DCPH1: variants seen among roughly 807,000 people sequenced by gnomAD.
DCPH1 encodes damage-control phosphatase 1.
chr6:151,465,363 G>C, the DCPH1 span, among the ~76,000 whole-genome samples: 1 of 152,270 alleles, frequency 6.6e-6, no homozygotes, highest in East Asian at 1.9e-4. Flanking sequence ...GTGCTATGAA[G>C]AGAAATAAAG....
the DCPH1 span, among the ~76,000 whole-genome samples, chr6:151,458,110 A>G: frequency 6.6e-6 from 1 of 152,116 alleles, no homozygotes; most frequent in South Asian, 2.1e-4. Context: ...AGATACAGAA[A>G]GGCCAGAACT....
the DCPH1 span, among the ~76,000 whole-genome samples, chr6:151,466,841 T>A: frequency 6.6e-6 from 1 of 152,222 alleles, no homozygotes; most frequent in Non-Finnish European, 1.5e-5. Flanking sequence ...AAGGCCATCG[T>A]GGACACCATT....
the DCPH1 span, among the ~76,000 whole-genome samples, chr6:151,461,850 A>G: frequency 6.3e-3 from 956 of 152,330 alleles, 10 homozygotes; most frequent in African/African-American, 0.021. Flanking sequence ...TTTAAGTTCA[A>G]GAAACTAGAA....
the DCPH1 span, among the ~76,000 whole-genome samples, chr6:151,463,189 G>A: frequency 6.6e-6 from 1 of 152,172 alleles, no homozygotes; most frequent in South Asian, 2.1e-4. Context: ...CTGTGCATCC[G>A]AATGATTTTT....
chr6:151,452,529 C>A, the DCPH1 span: 2 of 1,611,196 alleles, frequency 1.2e-6, no homozygotes, highest in Non-Finnish European at 1.7e-6. Context: ...GCTTTGCGGC[C>A]GGGATCGCGG....
chr6:151,466,667 G>A, the DCPH1 span, among the ~76,000 whole-genome samples: 1 of 152,214 alleles, frequency 6.6e-6, no homozygotes, highest in African/African-American at 2.4e-5. Context: ...TGCTGGGCAC[G>A]TAGTGGTAAA....
chr6:151,462,934 T>C, the DCPH1 span, among the ~76,000 whole-genome samples: 2 of 152,182 alleles, frequency 1.3e-5, no homozygotes, highest in Non-Finnish European at 2.9e-5. Flanking sequence ...CTTTTAGGCA[T>C]AGGGGCCATG....
At chr6:151,457,124 G>A in the DCPH1 span, among the ~76,000 whole-genome samples, 4 of 152,108 alleles carry the variant, frequency 2.6e-5, no homozygotes, top group South Asian at 8.3e-4. Context: ...CTATAGCAGG[G>A]CCAGGCTTAT....
the DCPH1 span, among the ~76,000 whole-genome samples, chr6:151,460,508 G>A: frequency 2.0e-5 from 3 of 151,982 alleles, no homozygotes; most frequent in African/African-American, 7.2e-5. Flanking sequence ...GGTGCAGGCC[G>A]GGTGCGGTGG....
At chr6:151,458,409 C>A in the DCPH1 span, 3 of 1,613,154 alleles carry the variant, frequency 1.9e-6, no homozygotes, top group South Asian at 3.3e-5. Context: ...ACCATTTATC[C>A]CCTTGGTTGA....
At chr6:151,468,410 A>G in the DCPH1 span, 13 of 1,600,612 alleles carry the variant, frequency 8.1e-6, no homozygotes, top group Middle Eastern at 3.3e-4. Flanking sequence ...CAGAATACCA[A>G]TGTACTAAAT....
chr6:151,457,846 C>T, the DCPH1 span, among the ~76,000 whole-genome samples: 1 of 151,652 alleles, frequency 6.6e-6, no homozygotes, highest in Non-Finnish European at 1.5e-5. Flanking sequence ...TACATTTGTC[C>T]CCACTCCAAT....
At chr6:151,468,786 A>G in the DCPH1 span, 5 of 1,614,198 alleles carry the variant, frequency 3.1e-6, no homozygotes, top group Non-Finnish European at 3.4e-6. Flanking sequence ...ACAATCATAT[A>G]TTTTGGACTC....
the DCPH1 span, chr6:151,454,685 T>G: frequency 1.6e-5 from 17 of 1,084,920 alleles, no homozygotes; most frequent in Non-Finnish European, 2.3e-5. Flanking sequence ...AATTTTTTGT[T>G]AATTTCTCAA....
the DCPH1 span, chr6:151,454,676 AT>A: frequency 6.6e-5 from 78 of 1,176,972 alleles, no homozygotes; most frequent in Non-Finnish European, 7.2e-5. Flanking sequence ...TTAACTTTTA[AT>A]TTTTTGTTAA....
the DCPH1 span, chr6:151,458,643 GT>G: frequency 2.2e-6 from 3 of 1,360,862 alleles, no homozygotes; most frequent in Non-Finnish European, 3.0e-6. Flanking sequence ...AAAAGGATAA[GT>G]TTAAAAATAA....
At chr6:151,458,492 A>G in the DCPH1 span, 3 of 1,613,264 alleles carry the variant, frequency 1.9e-6, no homozygotes, top group Non-Finnish European at 2.5e-6. Context: ...AAAGTGATGG[A>G]AAATCAAGAT....
the DCPH1 span, chr6:151,464,460 A>G: frequency 1.4e-5 from 22 of 1,602,606 alleles, no homozygotes; most frequent in Admixed American, 5.2e-5. Context: ...TAGTCCACCA[A>G]TCGATTACTT....
the DCPH1 span, among the ~76,000 whole-genome samples, chr6:151,460,394 C>T: frequency 5.3e-5 from 8 of 152,012 alleles, no homozygotes; most frequent in South Asian, 4.2e-4. Flanking sequence ...TGAGCCACCA[C>T]GCCCAGCCTA....
Sources: gnomAD v4.1 joint callset for allele counts (sites outside exome capture counted in the v4.1 genomes callset) on GRCh38, gnomAD v4.1.1 for gene constraint, MANE v1.5 for transcripts, NCBI Gene and HGNC (gene_info 2026-07-23, HGNC 2026-07-21) for gene names.